Variants in WNT7A observed in about 807,000 individuals in gnomAD.
WNT7A encodes the protein Wnt family member 7A, also known as protein Wnt-7a.
A neutral mutation model predicts 28.2 loss-of-function variants in WNT7A; 16 were observed. The observed-to-expected ratio is 0.57, with a 90% confidence interval of 0.38 to 0.86. The LOEUF is 0.86. WNT7A is among the 40% of genes least tolerant of loss of function. WNT7A has a pLI of 0.00. For missense variants in WNT7A, 411 were observed against 489.7 expected (o/e 0.84, Z 1.52); for synonymous variants, 190 against 195.9 (o/e 0.97, Z 0.25).
intron 3 of WNT7A, among the ~76,000 whole-genome samples, chr3:13,840,557 C>T (rs77736367): frequency 0.014 from 2,129 of 152,252 alleles, 55 homozygotes; most frequent in African/African-American, 0.049. Context: ...GCTTTTTGCT[C>T]ATCCATTCAC....
At chr3:13,841,796 G>T (rs1380841054) in intron 3 of WNT7A, among the ~76,000 whole-genome samples, 1 of 152,184 alleles carries the variant, frequency 6.6e-6, no homozygotes, top group Non-Finnish European at 1.5e-5. Flanking sequence ...ATATCAGGTG[G>T]CCATGAGTGC....
chr3:13,837,689 G>C (rs1694391956), intron 3 of WNT7A, among the ~76,000 whole-genome samples: 1 of 152,146 alleles, frequency 6.6e-6, no homozygotes, highest in South Asian at 2.1e-4. Flanking sequence ...TCTGGGGCAG[G>C]GACACAGGCG....
intron 3 of WNT7A, among the ~76,000 whole-genome samples, chr3:13,837,132 C>CT (rs1399685790): frequency 6.6e-6 from 1 of 152,140 alleles, no homozygotes; most frequent in African/African-American, 2.4e-5. Context: ...GCCCTGTCCT[C>CT]TGAGGCCCCA....
chr3:13,843,100 C>T (rs544102474), intron 3 of WNT7A, among the ~76,000 whole-genome samples: 140 of 152,250 alleles, frequency 9.2e-4, no homozygotes, highest in African/African-American at 2.6e-3. Context: ...ATCTCAATGG[C>T]GACCTGGACC....
At chr3:13,843,590 C>T (rs2124847582) in intron 3 of WNT7A, among the ~76,000 whole-genome samples, 1 of 152,138 alleles carries the variant, frequency 6.6e-6, no homozygotes, top group South Asian at 2.1e-4. Flanking sequence ...GGGGACTGAG[C>T]AGTACCCAAC....
At position 13,818,979 on chromosome 3, in the gene WNT7A, ACGTGTTG is replaced by A; in HGVS notation, c.1008_1014del (p.Asn337AlafsTer42). ...GTGTACATCTCCGTGCGCTCGCTGCACGTGTTGCACTTGACATAGCAGCACCAGTGGA... is the reference window on the plus strand; with the variant it reads ...GTGTACATCTCCGTGCGCTCGCTGCACACTTGACATAGCAGCACCAGTGGA... On this transcript the variant is annotated frameshift_variant, in exon 4 of 4. Coordinates refer to ENST00000285018, the MANE Select transcript of WNT7A (RefSeq NM_004625.4). LOFTEE classifies it high-confidence loss of function. 1 of 1,600,396 alleles carries A rather than the reference ACGTGTTG, an allele frequency of 6.2e-7. No homozygotes were observed. Among genetic ancestry groups the A allele is most frequent in the Non-Finnish European group, 8.5e-7 (1 of 1,169,746 alleles).
intron 3 of WNT7A, among the ~76,000 whole-genome samples, chr3:13,833,519 G>A (rs1195108220): frequency 7.9e-5 from 12 of 152,214 alleles, no homozygotes; most frequent in Admixed American, 7.8e-4. Flanking sequence ...AACCCATTTG[G>A]AGGTGGAATA....
At chr3:13,854,831 G>A in intron 2 of WNT7A, 28 bp from the exon 3 acceptor site, 5 of 1,609,972 alleles carry the variant, frequency 3.1e-6, no homozygotes, top group Admixed American at 1.7e-5. Flanking sequence ...GAGGAGACAA[G>A]TTGGGGTCAG....
At chr3:13,828,428 G>A (rs1290062117) in intron 3 of WNT7A, among the ~76,000 whole-genome samples, 1 of 152,192 alleles carries the variant, frequency 6.6e-6, no homozygotes, top group Non-Finnish European at 1.5e-5. Context: ...TGTGTTCCAG[G>A]AACTAATGAA....
At chr3:13,874,387 C>T (rs11128665) in intron 2 of WNT7A, among the ~76,000 whole-genome samples, 75,623 of 151,516 alleles carry the variant, frequency 0.5, 19,857 homozygotes, top group East Asian at 0.76. Context: ...TGTCTGCACA[C>T]GCCATTCCCA....
At chr3:13,829,219 G>T (rs954363487) in intron 3 of WNT7A, among the ~76,000 whole-genome samples, 4 of 152,132 alleles carry the variant, frequency 2.6e-5, no homozygotes, top group Non-Finnish European at 5.9e-5. Context: ...TGGGGCCCAA[G>T]AAAAGACTGT....
At chr3:13,843,385 C>T (rs1032495224) in intron 3 of WNT7A, among the ~76,000 whole-genome samples, 4 of 152,168 alleles carry the variant, frequency 2.6e-5, no homozygotes, top group African/African-American at 9.6e-5. Flanking sequence ...ATCCTCACTG[C>T]CTTTTTTTCA....
At chr3:13,878,699 T>C (rs1258484637) in intron 1 of WNT7A, among the ~76,000 whole-genome samples, 1 of 152,078 alleles carries the variant, frequency 6.6e-6, no homozygotes, top group Non-Finnish European at 1.5e-5. Flanking sequence ...GCCCCTGCGG[T>C]CCACCCCTCC....
Position 13,818,776 on chromosome 3 carries a change from T to C in WNT7A, c.*168A>G. The C allele has an allele frequency of 9.5e-7, 1 of 1,050,856 alleles. No individual in the cohort carries two copies. Among genetic ancestry groups the C allele is most frequent in the Non-Finnish European group, 1.3e-6 (1 of 753,480 alleles). The allele number at this position is 1,050,856 out of a possible 1,614,324, so 65.1% of individuals were successfully genotyped here. Reference sequence around the variant, plus strand: ...GGTGTGGAACAGAATAGTTGAGGGCTCTGAGAGATTTTTTTTCCCCCACGG... The same window carrying C: ...GGTGTGGAACAGAATAGTTGAGGGCCCTGAGAGATTTTTTTTCCCCCACGG... On this transcript the variant is annotated 3_prime_UTR_variant, in exon 4 of 4. Coordinates refer to ENST00000285018, the MANE Select transcript of WNT7A (RefSeq NM_004625.4).
intron 2 of WNT7A, among the ~76,000 whole-genome samples, chr3:13,872,062 C>T (rs1037172437): frequency 6.6e-6 from 1 of 152,186 alleles, no homozygotes. Context: ...TTTCCCCAGA[C>T]ATGCCCATAG....
At chr3:13,829,021 G>T (rs907418117) in intron 3 of WNT7A, among the ~76,000 whole-genome samples, 36 of 152,172 alleles carry the variant, frequency 2.4e-4, no homozygotes, top group Non-Finnish European at 3.2e-4. Context: ...TCTGACCACG[G>T]AGGCCGAAAG....
At chr3:13,826,419 C>G (rs555742846) in intron 3 of WNT7A, among the ~76,000 whole-genome samples, 2 of 152,080 alleles carry the variant, frequency 1.3e-5, no homozygotes, top group East Asian at 3.9e-4. Context: ...AGTCAGATAA[C>G]GGGAGGGATA....
chr3:13,841,021 C>A (rs771895246), intron 3 of WNT7A, among the ~76,000 whole-genome samples: 3 of 152,162 alleles, frequency 2.0e-5, no homozygotes, highest in Non-Finnish European at 4.4e-5. Context: ...CCCTCAAATT[C>A]AAAAATGGTA....
intron 3 of WNT7A, among the ~76,000 whole-genome samples, chr3:13,821,391 C>T (rs1694107960): frequency 6.6e-6 from 1 of 152,210 alleles, no homozygotes; most frequent in South Asian, 2.1e-4. Context: ...TGAGGATGCA[C>T]ATGCCTATGA....
Sources: gnomAD v4.1 joint callset for allele counts (sites outside exome capture counted in the v4.1 genomes callset) on GRCh38, gnomAD v4.1.1 for gene constraint, MANE v1.5 for transcripts, NCBI Gene and HGNC (gene_info 2026-07-23, HGNC 2026-07-21) for gene names.